Variants in PLA2R1 observed in about 807,000 individuals in gnomAD.
PLA2R1 encodes the protein secretory phospholipase A2 receptor.
In PLA2R1, 158 loss-of-function variants were observed where a neutral mutation model predicts 195.9. That is an observed-to-expected ratio of 0.81 (90% CI 0.71 to 0.92). PLA2R1 has a LOEUF of 0.92. PLA2R1 is among the 40% of genes least tolerant of loss of function. PLA2R1 has a pLI of 0.00. For synonymous variants in PLA2R1, 586 were observed against 598.2 expected, an observed-to-expected ratio of 0.98 and a Z score of 0.30; for missense variants, 1,626 against 1,764.6, an observed-to-expected ratio of 0.92 and a Z score of 1.41.
downstream of PLA2R1, among the ~76,000 whole-genome samples, chr2:159,929,669 G>A (rs547924932): frequency 7.9e-5 from 12 of 152,232 alleles, no homozygotes; most frequent in South Asian, 2.5e-3. Flanking sequence ...CAGAGGAAAA[G>A]ATGACATTAT....
Position 159,939,874 on chromosome 2 carries a change from T to G in PLA2R1, c.*1904A>C, listed in dbSNP as rs1171578327. 2.6e-5 allele frequency: 4 copies of G among 152,206 alleles called. No individual in the cohort carries two copies. Among genetic ancestry groups the G allele is most frequent in the Non-Finnish European group, 5.9e-5 (4 of 68,032 alleles). 9.4% of individuals were successfully genotyped at this position (152,206 alleles called of 1,614,324 possible). ...TGGGCTTTTATACCATCTGGTGAGT[T>G]CAAGCCAATTATTTTTTGAGTCATA... On this transcript the variant is annotated 3_prime_UTR_variant, in exon 30 of 30. Transcript: ENST00000283243.
chr2:159,984,217 C>G, intron 12 of PLA2R1, 144 bp from the exon 13 acceptor site: 1 of 483,614 alleles, frequency 2.1e-6, no homozygotes. Flanking sequence ...GTAATATTTA[C>G]TGAATTAGAA....
At chr2:160,055,057 G>A (rs1386791393) in intron 1 of PLA2R1, among the ~76,000 whole-genome samples, 2 of 152,136 alleles carry the variant, frequency 1.3e-5, no homozygotes, top group Non-Finnish European at 2.9e-5. Context: ...TATCTGTGTG[G>A]CCCCATCTTT....
chr2:159,955,626 A>C, intron 22 of PLA2R1, 72 bp downstream of exon 22: 1 of 717,658 alleles, frequency 1.4e-6, no homozygotes. Context: ...AAATAAAAAA[A>C]GCTTTAGTAA....
At chr2:160,050,676 CAT>C (rs1442805352) in intron 1 of PLA2R1, among the ~76,000 whole-genome samples, 3 of 152,286 alleles carry the variant, frequency 2.0e-5, no homozygotes, top group Non-Finnish European at 4.4e-5. Flanking sequence ...ATATATATGT[CAT>C]AGTGTTTGCC....
At chr2:159,924,730 G>T in the PLA2R1 span, among the ~76,000 whole-genome samples, 1 of 20,718 alleles carries the variant, frequency 4.8e-5, no homozygotes, top group African/African-American at 6.5e-5. Flanking sequence ...TCTGGGGGCT[G>T]GGGGGGGGGC....
At chr2:160,020,671 G>T (rs1432050882) in intron 7 of PLA2R1, among the ~76,000 whole-genome samples, 1 of 152,168 alleles carries the variant, frequency 6.6e-6, no homozygotes, top group African/African-American at 2.4e-5. Context: ...TCCATGTGAT[G>T]CCCTGTGCCA....
At chr2:159,926,389 T>G in the PLA2R1 span, among the ~76,000 whole-genome samples, 1 of 110,328 alleles carries the variant, frequency 9.1e-6, no homozygotes, top group Non-Finnish European at 2.3e-5. Flanking sequence ...ATTTAGCAGT[T>G]TGGGCTTATA....
intron 23 of PLA2R1, among the ~76,000 whole-genome samples, chr2:159,953,677 G>A (rs1448404365): frequency 4.6e-5 from 7 of 151,420 alleles, no homozygotes; most frequent in African/African-American, 1.7e-4. Flanking sequence ...CCACTATTCT[G>A]TACTATCTCT....
intron 13 of PLA2R1, among the ~76,000 whole-genome samples, chr2:159,981,216 C>CAT (rs10531044): frequency 6.8e-6 from 1 of 148,118 alleles, no homozygotes; most frequent in African/African-American, 2.5e-5. Flanking sequence ...TATGTGCATA[C>CAT]GTGTGTGTGT....
intron 8 of PLA2R1, 70 bp downstream of exon 8, chr2:160,020,036 A>G: frequency 2.5e-6 from 3 of 1,217,720 alleles, no homozygotes; most frequent in Non-Finnish European, 2.3e-6. Context: ...GCCACAGCCC[A>G]AAGCTCCAAC....
chr2:160,044,869 G>A lies in PLA2R1; in HGVS notation c.398C>T (p.Ala133Val), dbSNP rs34979630. The change falls in exon 2 of 30, where the codon GCG becomes GTG. Residue 133 changes from alanine (A) to valine (V), a missense_variant. Physicochemically the swap from Ala to Val is moderately conservative, Grantham distance 64. Transcript: ENST00000283243. ...TGAGGCCACCACTGTGTTGTCATGC[G>A]CCACCTGGACAGAGTACTGCAGCGG... is the stretch of plus-strand genomic sequence containing the variant. ...TGPLQYSVQV[A>V]HDNTVVASRK... The A allele has an allele frequency of 2.7e-5, 44 of 1,613,854 alleles. No homozygotes were observed. The highest frequency in any genetic ancestry group is 4.0e-5 in the African/African-American group (3 of 74,902).
intron 1 of PLA2R1, among the ~76,000 whole-genome samples, chr2:160,049,227 C>T (rs1246198163): frequency 1.3e-5 from 2 of 152,050 alleles, no homozygotes; most frequent in African/African-American, 4.8e-5. Flanking sequence ...CTTCTGAGTT[C>T]CTTTAGGAGG....
chr2:159,946,449 A>G, intron 27 of PLA2R1: 1 of 1,003,112 alleles, frequency 1.0e-6, no homozygotes, highest in Non-Finnish European at 1.2e-6. Flanking sequence ...CCATAACTCT[A>G]TTGTGCTTTT....
At chr2:159,966,836 C>A (rs2667020) in intron 20 of PLA2R1, among the ~76,000 whole-genome samples, 17,214 of 152,074 alleles carry the variant, frequency 0.11, 2,875 homozygotes, top group African/African-American at 0.36. Flanking sequence ...CCACCTAAGG[C>A]CTATAAAGTT....
chr2:160,012,898 C>A (rs958347575), intron 10 of PLA2R1, among the ~76,000 whole-genome samples: 2 of 151,176 alleles, frequency 1.3e-5, no homozygotes, highest in African/African-American at 4.9e-5. Flanking sequence ...GGCAACAGAG[C>A]AAGATTCTGT....
chr2:159,970,476 TAAG>T (rs1689086042), intron 17 of PLA2R1, among the ~76,000 whole-genome samples: 1 of 152,198 alleles, frequency 6.6e-6, no homozygotes, highest in Non-Finnish European at 1.5e-5. Flanking sequence ...TCTAACTCTC[TAAG>T]AAGGTTTTAA....
intron 1 of PLA2R1, among the ~76,000 whole-genome samples, chr2:160,053,359 G>C (rs987949318): frequency 2.8e-5 from 4 of 145,108 alleles, no homozygotes; most frequent in East Asian, 2.1e-4. Context: ...GGGGGGGGGG[G>C]GAACAATTCA....
At chr2:160,000,860 TCCTTGAGAGACA>T (rs1691541830) in intron 11 of PLA2R1, among the ~76,000 whole-genome samples, 1 of 152,016 alleles carries the variant, frequency 6.6e-6, no homozygotes, top group Non-Finnish European at 1.5e-5. Flanking sequence ...TTAAAATGCA[TCCTTGAGAGACA>T]CAGAGGTAGA....
Sources: allele counts gnomAD v4.1 joint callset (sites outside exome capture counted in the v4.1 genomes callset), GRCh38; gene constraint gnomAD v4.1.1; transcripts MANE v1.5; gene names NCBI Gene and HGNC (gene_info 2026-07-23, HGNC 2026-07-21).